The following PAH variants were observed in gnomAD, a reference collection of about 807,000 sequenced individuals.
The protein encoded by PAH is phenylalanine hydroxylase, also known as phenylalanine-4-hydroxylase.
PAH carries 64 observed loss-of-function variants against 62.0 expected under a neutral mutation model. The observed-to-expected ratio is 1.03, with a 90% CI of 0.84 to 1.27. The LOEUF is 1.27. Among genes scored for constraint, PAH ranks in the 50% most tolerant of loss-of-function variants. PAH has a pLI of 0.00. For missense variants in PAH, 579 were observed against 542.8 expected (o/e 1.07, Z -0.66); for synonymous variants, 195 against 196.2 (o/e 0.99, Z 0.05).
At position 102,851,915 on chromosome 12, in the gene PAH, T is replaced by G. The variant is rs1269679237; in HGVS notation, c.843-159A>C. On this transcript the variant is annotated intron_variant, in intron 7 of 12. Coordinates refer to ENST00000553106, the MANE Select transcript of PAH (RefSeq NM_000277.3). ...AAGTGATATGCAGAGGTTGGGATCATAAAAGGCAGGGTACAAGGTAAAAAG... is the reference window on the plus strand; with the variant it reads ...AAGTGATATGCAGAGGTTGGGATCAGAAAAGGCAGGGTACAAGGTAAAAAG... 3 of 646,652 alleles carry G rather than the reference T, an allele frequency of 4.6e-6. No homozygotes were observed. The Admixed American group carries it at 7.3e-5, about 16-fold the overall frequency. The allele number at this position is 646,652 out of a possible 1,614,324, so 40.1% of individuals were successfully genotyped here.
At chr12:102,910,377 T>TC (rs902008256) in intron 2 of PAH, among the ~76,000 whole-genome samples, 1 of 150,344 alleles carries the variant, frequency 6.7e-6, no homozygotes, top group Non-Finnish European at 1.5e-5. Flanking sequence ...AATTCCTTTT[T>TC]TTTTTTTTTT....
At chr12:102,844,313 C>T (rs774730498) in intron 10 of PAH, 23 bp downstream of exon 10, 204 of 1,508,612 alleles carry the variant, frequency 1.4e-4, no homozygotes, top group Non-Finnish European at 1.8e-4. Flanking sequence ...TAAATCTATC[C>T]TTGGTTCCTG....
At chr12:102,874,552 A>C (rs1382281039) in intron 4 of PAH, among the ~76,000 whole-genome samples, 3 of 152,220 alleles carry the variant, frequency 2.0e-5, no homozygotes, top group Non-Finnish European at 2.9e-5. Flanking sequence ...GATAATATTC[A>C]AATTAAAAAA....
At position 102,877,530 on chromosome 12, in the gene PAH, T is replaced by G. The variant is rs1215779649; in HGVS notation, c.373A>C (p.Ile125Leu). 6.2e-7 allele frequency: 1 copy of G among 1,614,100 alleles called. No homozygotes were observed. The highest frequency in any genetic ancestry group is 8.5e-7 in the Non-Finnish European group (1 of 1,179,976). The change falls in exon 4 of 13, where the codon ATT (isoleucine) becomes CTT (leucine). Residue 125 changes from isoleucine (I) to leucine (L), a missense_variant. Physicochemically the swap from Ile to Leu is conservative, Grantham distance 5. Coordinates refer to ENST00000553106, the MANE Select transcript of PAH (RefSeq NM_000277.3). ...TTGGCAAATCTGTCCAGCTCTTGAA[T>G]GGTTCTTGGGAACCAGGGCACTGAA... ...KDTVPWFPRT[I>L]QELDRFANQI... is the part of the protein sequence containing the mutation.
intron 3 of PAH, among the ~76,000 whole-genome samples, chr12:102,893,259 G>T (rs1877353597): frequency 6.6e-6 from 1 of 152,078 alleles, no homozygotes; most frequent in South Asian, 2.1e-4. Flanking sequence ...AATTAGCCAG[G>T]CGTGGTGGGG....
chr12:102,878,308 G>A (rs148110482), intron 3 of PAH, among the ~76,000 whole-genome samples: 9 of 152,306 alleles, frequency 5.9e-5, no homozygotes, highest in African/African-American at 2.2e-4. Flanking sequence ...GAAGCAGAGT[G>A]AACAGAGTCA....
chr12:102,934,812 T>C (rs1879040267), intron 1 of PAH, among the ~76,000 whole-genome samples: 1 of 152,186 alleles, frequency 6.6e-6, no homozygotes. Context: ...TTCTGTTATT[T>C]GGTTAAGTAT....
chr12:102,946,133 G>T (rs1009582000), intron 1 of PAH: 1 of 152,216 alleles, frequency 6.6e-6, no homozygotes, highest in African/African-American at 2.4e-5. Flanking sequence ...TATTCAAGTT[G>T]CAAGACAAAG....
intron 2 of PAH, among the ~76,000 whole-genome samples, chr12:102,896,624 G>A (rs1003125646): frequency 1.3e-5 from 2 of 152,160 alleles, no homozygotes; most frequent in African/African-American, 2.4e-5. Context: ...CATTCAGGAC[G>A]TCTTCTATAA....
intron 11 of PAH, among the ~76,000 whole-genome samples, chr12:102,841,796 A>T (rs912306381): frequency 6.6e-6 from 1 of 151,970 alleles, no homozygotes; most frequent in African/African-American, 2.4e-5. Context: ...ATTTACCCCT[A>T]CCCTACTAGG....
intron 1 of PAH, among the ~76,000 whole-genome samples, chr12:102,926,286 G>A (rs948195728): frequency 1.3e-5 from 2 of 152,004 alleles, no homozygotes; most frequent in African/African-American, 4.8e-5. Flanking sequence ...GCTGAGAACT[G>A]AATTATGGAA....
intron 5 of PAH, among the ~76,000 whole-genome samples, chr12:102,857,245 G>T (rs1403188043): frequency 1.3e-5 from 2 of 152,148 alleles, no homozygotes; most frequent in Admixed American, 1.3e-4. Context: ...AAGATCAAAT[G>T]AATGAAATGA....
intron 3 of PAH, among the ~76,000 whole-genome samples, chr12:102,892,991 A>T (rs1877339681): frequency 6.6e-6 from 1 of 152,248 alleles, no homozygotes; most frequent in Admixed American, 6.5e-5. Flanking sequence ...TTCTAAAAAA[A>T]AATACCACAC....
intron 11 of PAH, 136 bp downstream of exon 11, chr12:102,843,510 A>G: frequency 1.1e-6 from 1 of 886,584 alleles, no homozygotes; most frequent in Non-Finnish European, 1.8e-6. Context: ...AGGGTGGAGA[A>G]CATGGGAGAG....
At chr12:102,950,859 C>G (rs1057280570), upstream of PAH, 1 of 152,202 alleles carries the variant, frequency 6.6e-6, no homozygotes, top group Non-Finnish European at 1.5e-5. Flanking sequence ...ATGAACTTTC[C>G]GCGCAGGTCA....
At chr12:102,916,360 T>C (rs1878383795) in intron 1 of PAH, among the ~76,000 whole-genome samples, 1 of 152,182 alleles carries the variant, frequency 6.6e-6, no homozygotes, top group African/African-American at 2.4e-5. Context: ...AGGAGCAGAC[T>C]TCCTCCCATG....
rs973300958 is a variant in PAH, at chr12:102,851,773, A to G, written c.843-17T>C. ...CAGATGTCACTGAAAGACAGAAAGCACAGAGAGCTCGGAGGGGAGGAGGTT... is the reference window on the plus strand; with the variant it reads ...CAGATGTCACTGAAAGACAGAAAGCGCAGAGAGCTCGGAGGGGAGGAGGTT... On this transcript the variant is annotated splice_polypyrimidine_tract_variant and intron_variant, in intron 7 of 12. Coordinates refer to ENST00000553106, the MANE Select transcript of PAH (RefSeq NM_000277.3). 6 of 1,611,564 alleles carry G rather than the reference A, an allele frequency of 3.7e-6. No individual in the cohort carries two copies. Among genetic ancestry groups the G allele is most frequent in the Non-Finnish European group, 5.1e-6 (6 of 1,177,734 alleles).
At chr12:102,914,508 C>G (rs1469172977) in intron 1 of PAH, 1 of 152,492 alleles carries the variant, frequency 6.6e-6, no homozygotes, top group Non-Finnish European at 1.5e-5. Flanking sequence ...CATTTGATCT[C>G]TGCATACTGT....
intron 2 of PAH, among the ~76,000 whole-genome samples, chr12:102,906,817 G>A (rs1877996267): frequency 1.3e-5 from 2 of 152,212 alleles, no homozygotes; most frequent in Admixed American, 1.3e-4. Flanking sequence ...CCACAGCCCT[G>A]CATCCATGGA....
Sources: allele counts gnomAD v4.1 joint callset (sites outside exome capture counted in the v4.1 genomes callset), GRCh38; gene constraint gnomAD v4.1.1; transcripts MANE v1.5; gene names NCBI Gene and HGNC (gene_info 2026-07-23, HGNC 2026-07-21).